MTUS1: variants seen among roughly 807,000 people sequenced by gnomAD.
The protein encoded by MTUS1 is microtubule-associated tumor suppressor 1.
Under a neutral mutation model 120.8 loss-of-function variants are expected in MTUS1, and 109 were observed. The observed-to-expected ratio is 0.90, with a 90% CI of 0.77 to 1.06. The LOEUF (loss-of-function observed/expected upper bound fraction) is 1.06. Among genes scored for constraint, MTUS1 ranks in the 50% least tolerant of loss-of-function variants. MTUS1 has a pLI of 0.00. For missense variants in MTUS1, 2,210 were observed against 1,486.3 expected (o/e 1.49, Z -8.01); for synonymous variants, 737 against 550.5 (o/e 1.34, Z -4.74).
At chr8:17,782,795 T>A (rs2050975035) in intron 1 of MTUS1, among the ~76,000 whole-genome samples, 1 of 152,156 alleles carries the variant, frequency 6.6e-6, no homozygotes, top group African/African-American at 2.4e-5. Context: ...TTATGAAACC[T>A]GGCCGGGCAT....
intron 13 of MTUS1, among the ~76,000 whole-genome samples, chr8:17,648,944 A>T (rs1407677608): frequency 6.6e-6 from 1 of 152,196 alleles, no homozygotes; most frequent in Admixed American, 6.5e-5. Context: ...CAGCAGCTGT[A>T]TTTCAGGGCC....
At chr8:17,648,086 G>T (rs935957509) in intron 13 of MTUS1, among the ~76,000 whole-genome samples, 2 of 152,140 alleles carry the variant, frequency 1.3e-5, no homozygotes, top group African/African-American at 2.4e-5. Context: ...AGATTGGGAG[G>T]TATTGTCCTT....
At chr8:17,686,950 G>A (rs1815936638) in intron 6 of MTUS1, among the ~76,000 whole-genome samples, 1 of 152,156 alleles carries the variant, frequency 6.6e-6, no homozygotes, top group Non-Finnish European at 1.5e-5. Flanking sequence ...CAGTTAAAGT[G>A]AAATTCGAGG....
chr8:17,674,239 G>A lies in MTUS1; in HGVS notation c.2905+947C>T, dbSNP rs373885461. Among the ~76,000 whole-genome samples, 75 of 152,188 alleles carry A rather than the reference G, an allele frequency of 4.9e-4. 2 individuals are homozygous for A. Among genetic ancestry groups the A allele is most frequent in the African/African-American group, 1.7e-3 (72 of 41,520 alleles). The stretch of plus-strand genomic sequence containing the variant: ...GATGGAGACCCTCCTGGCCAACATG[G>A]CGAAACCCCATCTCTACTAAAAATA... On this transcript the variant is annotated intron_variant, in intron 8 of 14. Transcript: ENST00000693296.
chr8:17,736,540 T>TA (rs1484921579), intron 3 of MTUS1, among the ~76,000 whole-genome samples: 19 of 152,196 alleles, frequency 1.2e-4, no homozygotes, highest in African/African-American at 4.6e-4. Context: ...ACCAACCGTT[T>TA]AAAAATCTAA....
In MTUS1 at chr8:17,779,706, G is replaced by A. The variant is rs1365440678; in HGVS notation, c.-155+21355C>T. On this transcript the variant is annotated intron_variant, in intron 1 of 14. Transcript: ENST00000693296. ...GCTTCAGAGGCCCTACTCTATCTTGGTTTTCCTCCTAAACTCACAGACTTC... is the reference window on the plus strand; with the variant it reads ...GCTTCAGAGGCCCTACTCTATCTTGATTTTCCTCCTAAACTCACAGACTTC... 2.0e-5 allele frequency among the ~76,000 whole-genome samples: 3 copies of A among 152,130 alleles called. No homozygotes were observed. The East Asian group carries it at 5.8e-4, about 29-fold the overall frequency.
At chr8:17,658,024 G>GACACACACACACACACACACACACAC (rs58132896) in intron 8 of MTUS1, among the ~76,000 whole-genome samples, 30 of 140,512 alleles carry the variant, frequency 2.1e-4, no homozygotes, top group South Asian at 4.6e-4. Flanking sequence ...TATATATATA[G>GACACACACACACACACACACACACAC]ACACACACAC....
At chr8:17,768,889 G>A (rs1004361424) in intron 1 of MTUS1, among the ~76,000 whole-genome samples, 1 of 151,884 alleles carries the variant, frequency 6.6e-6, no homozygotes, top group African/African-American at 2.4e-5. Context: ...AACAATTAAT[G>A]GTATTTTGTT....
At position 17,754,482 on chromosome 8, in the gene MTUS1, A is replaced by C; in HGVS notation, c.1326T>G (p.Val442=). The change falls in exon 2 of 15, where the codon GTT becomes GTG. Residue 442 remains valine, a synonymous_variant. Coordinates refer to ENST00000693296, the MANE Select transcript of MTUS1 (RefSeq NM_001363059.2). ...ATTTCTCCGTCGCTTCAATCGGTGA[A>C]ACAGAAAAGGTTACTTTTGTGGGTT... ...VLEPTKVTFS[V]SPIEATEKCK... is the part of the protein sequence containing the mutation. 6.2e-7 allele frequency: 1 copy of C among 1,614,230 alleles called. No homozygotes were observed. The highest frequency in any genetic ancestry group is 8.5e-7 in the Non-Finnish European group (1 of 1,180,050).
chr8:17,646,133 A>C lies in MTUS1; in HGVS notation c.3606T>G (p.Leu1202=). The change falls in exon 15 of 15, where the codon CTT becomes CTG. Residue 1202 remains leucine (L), a synonymous_variant. Transcript: ENST00000693296. ...CTTGCAGAACAGCCTGCTCCGTGGA[A>C]AGCTGCCTTGAAGAAAAAGGCCAGA... ...MDKHMAISRQ[L]STEQAVLQES... The C allele has an allele frequency of 6.2e-7, 1 of 1,609,134 alleles. No homozygotes were observed. The highest frequency in any genetic ancestry group is 8.5e-7 in the Non-Finnish European group (1 of 1,178,288).
intron 1 of MTUS1, among the ~76,000 whole-genome samples, chr8:17,781,804 C>T (rs17125398): frequency 0.063 from 9,623 of 152,232 alleles, 820 homozygotes; most frequent in African/African-American, 0.19. Context: ...TGAGGTCCCT[C>T]TTTGTAGGCT....
intron 4 of MTUS1, among the ~76,000 whole-genome samples, chr8:17,719,365 T>A (rs1337559311): frequency 1.3e-5 from 2 of 152,228 alleles, no homozygotes; most frequent in Non-Finnish European, 2.9e-5. Context: ...TCTGCCCACT[T>A]GGCTTAAAAT....
intron 1 of MTUS1, among the ~76,000 whole-genome samples, chr8:17,791,479 A>C (rs1296735297): frequency 4.6e-5 from 7 of 152,256 alleles, no homozygotes; most frequent in Non-Finnish European, 8.8e-5. Flanking sequence ...GTCCAAGATT[A>C]GTTCAAAGTG....
chr8:17,660,908 C>T (rs1022426132), intron 8 of MTUS1, among the ~76,000 whole-genome samples: 2 of 152,064 alleles, frequency 1.3e-5, no homozygotes, highest in African/African-American at 4.8e-5. Context: ...AAGATAGAAC[C>T]CAAAAAGACA....
intron 1 of MTUS1, among the ~76,000 whole-genome samples, chr8:17,777,243 C>G (rs1227328374): frequency 6.6e-6 from 1 of 152,036 alleles, no homozygotes; most frequent in African/African-American, 2.4e-5. Flanking sequence ...TCGAGACCAG[C>G]CTGGCCAACG....
At chr8:17,659,853 T>G (rs1184380456) in intron 8 of MTUS1, among the ~76,000 whole-genome samples, 1 of 152,140 alleles carries the variant, frequency 6.6e-6, no homozygotes, top group African/African-American at 2.4e-5. Context: ...ACCTGAAACT[T>G]CGTACCAATT....
intron 8 of MTUS1, among the ~76,000 whole-genome samples, chr8:17,661,810 C>T (rs1317257849): frequency 1.3e-5 from 2 of 152,172 alleles, no homozygotes; most frequent in African/African-American, 4.8e-5. Flanking sequence ...CAGACAGTGA[C>T]ATCAGCCTGC....
intron 8 of MTUS1, among the ~76,000 whole-genome samples, chr8:17,656,654 T>C (rs570277173): frequency 1.1e-4 from 16 of 148,276 alleles, no homozygotes; most frequent in African/African-American, 4.0e-4. Flanking sequence ...GACCAGTCAA[T>C]GCAGTGGTCA....
chr8:17,682,909 T>C (rs985985406), intron 7 of MTUS1, among the ~76,000 whole-genome samples: 57 of 126,814 alleles, frequency 4.5e-4, no homozygotes, highest in African/African-American at 1.6e-3. Context: ...AGTCTCCAAC[T>C]TCCCCTCAAA....
Sources: allele counts gnomAD v4.1 joint callset (sites outside exome capture counted in the v4.1 genomes callset), GRCh38; gene constraint gnomAD v4.1.1; transcripts MANE v1.5; gene names NCBI Gene and HGNC (gene_info 2026-07-23, HGNC 2026-07-21).